Variants in USP46 observed in about 807,000 individuals in gnomAD.
USP46 encodes ubiquitin carboxyl-terminal hydrolase 46.
A neutral mutation model predicts 44.4 loss-of-function variants in USP46; 12 were observed. That is an observed-to-expected ratio of 0.27 (90% CI 0.17 to 0.44). USP46 has a LOEUF of 0.44. USP46 is among the 20% of genes least tolerant of loss of function. The pLI is 1.00. For synonymous variants in USP46, 155 were observed against 161.5 expected (o/e 0.96, Z 0.31); for missense variants, 248 against 444.8 (o/e 0.56, Z 3.98).
intron 1 of USP46, among the ~76,000 whole-genome samples, chr4:52,642,577 A>C (rs531965635): frequency 2.0e-5 from 3 of 152,310 alleles, no homozygotes; most frequent in South Asian, 2.1e-4. Flanking sequence ...CACCCCTTGA[A>C]ATTTTCTAGA....
At chr4:52,657,191 G>A (rs1316801278) in intron 1 of USP46, among the ~76,000 whole-genome samples, 1 of 152,058 alleles carries the variant, frequency 6.6e-6, no homozygotes, top group Non-Finnish European at 1.5e-5. Context: ...TCATCTGGGT[G>A]ATGGTCCTAA....
intron 1 of USP46, among the ~76,000 whole-genome samples, chr4:52,632,628 C>G (rs1370369487): frequency 6.6e-6 from 1 of 151,926 alleles, no homozygotes; most frequent in Non-Finnish European, 1.5e-5. Context: ...TCGAGACCAG[C>G]CTGGGCAACA....
At position 52,601,728 on chromosome 4, in the gene USP46, A is replaced by C. The variant is rs1716480318; in HGVS notation, c.920+129T>G. On this transcript the variant is annotated intron_variant, in intron 7 of 8. Coordinates refer to ENST00000441222, the MANE Select transcript of USP46 (RefSeq NM_022832.4). ...TGTTTATATATTTTTTGTGATGATC[A>C]GTAAGAGTTTGGCAGAGATCCCAAA... 30 of 840,346 alleles carry C rather than the reference A, an allele frequency of 3.6e-5. 1 individual carries two copies. Among genetic ancestry groups the C allele is most frequent in the Middle Eastern group, 7.6e-4 (2 of 2,634 alleles). 52.1% of individuals were successfully genotyped at this position (840,346 alleles called of 1,614,324 possible).
chr4:52,598,399 T>A (rs889137307), intron 8 of USP46, among the ~76,000 whole-genome samples: 9 of 152,190 alleles, frequency 5.9e-5, no homozygotes, highest in Non-Finnish European at 4.4e-5. Flanking sequence ...AGATCCCATG[T>A]CTATGGATGA....
intron 5 of USP46, 105 bp from the exon 6 acceptor site, chr4:52,604,689 G>T: frequency 1.4e-6 from 1 of 731,218 alleles, no homozygotes. Flanking sequence ...AAGTAAAAAT[G>T]GAAGAAGAAG....
chr4:52,614,896 T>C (rs749894932), intron 4 of USP46, among the ~76,000 whole-genome samples: 2 of 152,176 alleles, frequency 1.3e-5, no homozygotes, highest in Non-Finnish European at 2.9e-5. Flanking sequence ...TACACCTATA[T>C]ATTTATATGC....
chr4:52,617,680 G>A (rs1448797562), intron 4 of USP46, among the ~76,000 whole-genome samples: 4 of 152,122 alleles, frequency 2.6e-5, no homozygotes, highest in Non-Finnish European at 4.4e-5. Context: ...TTTTGGGGTG[G>A]GGCGTGGAGG....
chr4:52,632,492 C>G (rs915865890), intron 1 of USP46, among the ~76,000 whole-genome samples: 1 of 152,096 alleles, frequency 6.6e-6, no homozygotes, highest in African/African-American at 2.4e-5. Flanking sequence ...CACAGAAACT[C>G]AAGACTTAAG....
intron 1 of USP46, among the ~76,000 whole-genome samples, chr4:52,650,014 T>C (rs900722659): frequency 6.6e-6 from 1 of 152,196 alleles, no homozygotes; most frequent in Non-Finnish European, 1.5e-5. Context: ...AAAGCTCCAA[T>C]TGGTGGAACC....
chr4:52,602,580 C>A (rs909731079), intron 6 of USP46, among the ~76,000 whole-genome samples: 4 of 152,170 alleles, frequency 2.6e-5, no homozygotes, highest in Admixed American at 2.6e-4. Context: ...CCCTTGTGAT[C>A]TTGGGCAAGT....
At chr4:52,650,622 G>C (rs1031898821) in intron 1 of USP46, among the ~76,000 whole-genome samples, 13 of 152,002 alleles carry the variant, frequency 8.6e-5, no homozygotes, top group Admixed American at 3.9e-4. Flanking sequence ...AAATCTGAAG[G>C]GTAGGTAAAC....
chr4:52,610,146 G>A (rs898307406), intron 5 of USP46, among the ~76,000 whole-genome samples: 2 of 150,824 alleles, frequency 1.3e-5, no homozygotes, highest in Admixed American at 6.6e-5. Context: ...GGATGGTCTC[G>A]ATCTCCTGAC....
chr4:52,642,126 G>A (rs1261524269), intron 1 of USP46, among the ~76,000 whole-genome samples: 1 of 152,190 alleles, frequency 6.6e-6, no homozygotes, highest in Non-Finnish European at 1.5e-5. Flanking sequence ...CTCAGCCCAA[G>A]ATCTCAGGAT....
At chr4:52,653,518 A>T (rs1169866149) in intron 1 of USP46, among the ~76,000 whole-genome samples, 1 of 151,426 alleles carries the variant, frequency 6.6e-6, no homozygotes, top group Non-Finnish European at 1.5e-5. Context: ...AAAAAAAAAA[A>T]AGATTTTGCT....
At chr4:52,602,113 A>G in intron 6 of USP46, 59 bp from the exon 7 acceptor site, 1 of 1,538,576 alleles carries the variant, frequency 6.5e-7, no homozygotes, top group East Asian at 2.3e-5. Context: ...GGAAGAGAAT[A>G]CACTGTCATC....
In USP46 at chr4:52,595,550, T is replaced by C. The variant is rs1560386879; in HGVS notation, c.*2090A>G. The C allele has an allele frequency of 6.6e-6, 1 of 152,210 alleles. No homozygotes were observed. Among genetic ancestry groups the C allele is most frequent in the African/African-American group, 2.4e-5 (1 of 41,450 alleles). 9.4% of individuals were successfully genotyped at this position (152,210 alleles called of 1,614,324 possible). A position where few individuals can be genotyped will look rare whatever the true frequency, so the allele number is the denominator to read the frequency against. On this transcript the variant is annotated 3_prime_UTR_variant, in exon 9 of 9. Transcript: ENST00000441222. ...AACTGACTCTTTCTATTAAAAGGAA[T>C]TACTTCGATTAAATAACTGGGAAAA...
At chr4:52,600,810 A>G (rs1216715816) in intron 7 of USP46, among the ~76,000 whole-genome samples, 1 of 152,154 alleles carries the variant, frequency 6.6e-6, no homozygotes, top group East Asian at 1.9e-4. Flanking sequence ...TGGGTTCCAG[A>G]TCACTGGAAC....
chr4:52,634,543 GCCT>G (rs1718039467), intron 1 of USP46, among the ~76,000 whole-genome samples: 1 of 149,342 alleles, frequency 6.7e-6, no homozygotes, highest in African/African-American at 2.5e-5. Context: ...TCCTGCCTCA[GCCT>G]CCTGAGTAGC....
intron 8 of USP46, 163 bp downstream of exon 8, chr4:52,598,465 T>C (rs566223438): frequency 3.0e-6 from 2 of 665,566 alleles, no homozygotes; most frequent in Admixed American, 5.0e-5. Context: ...TCCCTTTCCA[T>C]GGAGCATGGG....
Sources: gnomAD v4.1 joint callset for allele counts (sites outside exome capture counted in the v4.1 genomes callset) on GRCh38, gnomAD v4.1.1 for gene constraint, MANE v1.5 for transcripts, NCBI Gene and HGNC (gene_info 2026-07-23, HGNC 2026-07-21) for gene names.